The following KHDRBS3 variants were observed in gnomAD, a reference collection of about 807,000 sequenced individuals.
The protein encoded by KHDRBS3 is KH RNA binding domain containing, signal transduction associated 3.
Under a neutral mutation model 45.6 loss-of-function variants are expected in KHDRBS3, and 23 were observed. The observed-to-expected ratio is 0.50, with a 90% CI of 0.36 to 0.72. The LOEUF (loss-of-function observed/expected upper bound fraction) is 0.72. Among genes scored for constraint, KHDRBS3 ranks in the 30% least tolerant of loss-of-function variants. KHDRBS3 has a pLI of 0.00. For synonymous variants in KHDRBS3, 162 were observed against 156.5 expected, an observed-to-expected ratio of 1.04 and a Z score of -0.26; for missense variants, 352 against 424.8, an observed-to-expected ratio of 0.83 and a Z score of 1.51.
intron 1 of KHDRBS3, among the ~76,000 whole-genome samples, chr8:135,511,847 C>T (rs1359121114): frequency 4.6e-5 from 7 of 152,122 alleles, no homozygotes; most frequent in Non-Finnish European, 1.0e-4. Context: ...CGTGAGCCAC[C>T]GCACCCAGCC....
Position 135,634,899 on chromosome 8 carries a change from C to G in KHDRBS3, c.891-10160C>G, listed in dbSNP as rs73713804. On this transcript the variant is annotated intron_variant, in intron 7 of 8. Coordinates refer to ENST00000355849, the MANE Select transcript of KHDRBS3 (RefSeq NM_006558.3). ...TCTTCAGGCAAGCGTAATGCTCACT[C>G]TGCCGGCCTCCTGAAATTTGCTGAA... Among the ~76,000 whole-genome samples the G allele has an allele frequency of 9.0e-3, 1,373 of 152,314 alleles. 15 individuals carry two copies. The highest frequency in any genetic ancestry group is 0.025 in the African/African-American group (1,027 of 41,564).
intron 2 of KHDRBS3, among the ~76,000 whole-genome samples, chr8:135,534,365 G>T (rs376206888): frequency 6.6e-6 from 1 of 151,926 alleles, no homozygotes. Flanking sequence ...TTAACATCTT[G>T]GGTAGTGATT....
intron 7 of KHDRBS3, among the ~76,000 whole-genome samples, chr8:135,614,280 A>G (rs1362086944): frequency 6.6e-6 from 1 of 151,806 alleles, no homozygotes; most frequent in African/African-American, 2.4e-5. Context: ...AGTGAATCAA[A>G]ACGAATGGGT....
chr8:135,628,190 T>G (rs1391007809), intron 7 of KHDRBS3, among the ~76,000 whole-genome samples: 1 of 152,118 alleles, frequency 6.6e-6, no homozygotes, highest in Non-Finnish European at 1.5e-5. Flanking sequence ...CCTACAGAAC[T>G]CTGGGTTTCT....
At chr8:135,499,514 T>C (rs1330980603) in intron 1 of KHDRBS3, among the ~76,000 whole-genome samples, 1 of 152,176 alleles carries the variant, frequency 6.6e-6, no homozygotes, top group Non-Finnish European at 1.5e-5. Flanking sequence ...AAAATGCAAA[T>C]TGCAACACTT....
chr8:135,542,453 TATATC>T (rs1826090208), intron 2 of KHDRBS3, 196 bp from the exon 3 acceptor site: 1 of 496,408 alleles, frequency 2.0e-6, no homozygotes, highest in African/African-American at 2.0e-5. Context: ...TATAAAGAAA[TATATC>T]AGGGTTTTTT....
intron 7 of KHDRBS3, among the ~76,000 whole-genome samples, chr8:135,644,760 G>A (rs1831211752): frequency 6.6e-6 from 1 of 152,204 alleles, no homozygotes; most frequent in Non-Finnish European, 1.5e-5. Flanking sequence ...GTCAGGTGCT[G>A]TCTTTGTATT....
At chr8:135,493,328 T>C (rs916619737) in intron 1 of KHDRBS3, among the ~76,000 whole-genome samples, 3 of 152,100 alleles carry the variant, frequency 2.0e-5, no homozygotes, top group African/African-American at 7.2e-5. Context: ...AGGACCCCAC[T>C]ACAGTGTAGC....
chr8:135,536,225 T>C, intron 2 of KHDRBS3, among the ~76,000 whole-genome samples: 1 of 147,764 alleles, frequency 6.8e-6, no homozygotes, highest in Admixed American at 7.0e-5. Flanking sequence ...TTAATTTGCT[T>C]TCTGTCCAGT....
chr8:135,525,052 A>G (rs1825111168), intron 2 of KHDRBS3, among the ~76,000 whole-genome samples: 1 of 152,174 alleles, frequency 6.6e-6, no homozygotes, highest in African/African-American at 2.4e-5. Flanking sequence ...ATCTTGATGA[A>G]GAGCCATATT....
chr8:135,608,334 G>A (rs878897883), intron 7 of KHDRBS3, among the ~76,000 whole-genome samples: 1 of 152,162 alleles, frequency 6.6e-6, no homozygotes, highest in Non-Finnish European at 1.5e-5. Flanking sequence ...ATTTCAGTAT[G>A]TAGTCTAAAT....
chr8:135,556,127 G>C (rs549146123), intron 4 of KHDRBS3, among the ~76,000 whole-genome samples: 2 of 152,244 alleles, frequency 1.3e-5, no homozygotes, highest in South Asian at 2.1e-4. Flanking sequence ...TCTTAATCCA[G>C]TCTATCATTG....
downstream of KHDRBS3, among the ~76,000 whole-genome samples, chr8:135,650,638 G>A (rs1831410396): frequency 6.6e-6 from 1 of 152,172 alleles, no homozygotes; most frequent in African/African-American, 2.4e-5. Context: ...CAGAGTCTTT[G>A]ATCTTAACCA....
intron 6 of KHDRBS3, among the ~76,000 whole-genome samples, chr8:135,584,177 T>G (rs990447604): frequency 4.6e-5 from 7 of 152,242 alleles, no homozygotes; most frequent in Non-Finnish European, 7.3e-5. Context: ...AGGCACTGAC[T>G]GTTACTGCAG....
At chr8:135,589,948 A>C (rs1041080899) in intron 6 of KHDRBS3, among the ~76,000 whole-genome samples, 4 of 152,220 alleles carry the variant, frequency 2.6e-5, no homozygotes, top group African/African-American at 9.6e-5. Context: ...GTGAACTAAT[A>C]AGTATGAAAG....
chr8:135,482,421 G>T (rs544393112), intron 1 of KHDRBS3, among the ~76,000 whole-genome samples: 1 of 152,154 alleles, frequency 6.6e-6, no homozygotes, highest in East Asian at 1.9e-4. Context: ...GCCTTAGTAC[G>T]TAAGAAAAGA....
At chr8:135,490,418 C>G (rs1823089430) in intron 1 of KHDRBS3, among the ~76,000 whole-genome samples, 2 of 152,134 alleles carry the variant, frequency 1.3e-5, no homozygotes, top group African/African-American at 4.8e-5. Context: ...CAGGGAGAAG[C>G]TCCTGCCATT....
intron 1 of KHDRBS3, among the ~76,000 whole-genome samples, chr8:135,497,387 A>T (rs1175864775): frequency 1.3e-5 from 2 of 152,144 alleles, no homozygotes; most frequent in African/African-American, 4.8e-5. Context: ...CCCTGCTTGC[A>T]TGTCTTTTCT....
chr8:135,571,092 G>A (rs1827679779), intron 5 of KHDRBS3, among the ~76,000 whole-genome samples: 1 of 152,174 alleles, frequency 6.6e-6, no homozygotes, highest in African/African-American at 2.4e-5. Flanking sequence ...ATGCAACTAG[G>A]CACAGATTCT....
Sources: gnomAD v4.1 joint callset for allele counts (sites outside exome capture counted in the v4.1 genomes callset) on GRCh38, gnomAD v4.1.1 for gene constraint, MANE v1.5 for transcripts, NCBI Gene and HGNC (gene_info 2026-07-23, HGNC 2026-07-21) for gene names.